The following COA1 variants were observed in gnomAD, a reference collection of about 807,000 sequenced individuals.
The protein encoded by COA1 is cytochrome c oxidase assembly factor 1.
Under a neutral mutation model 16.0 loss-of-function variants are expected in COA1, and 13 were observed. That is an observed-to-expected ratio of 0.81 (90% confidence interval 0.53 to 1.29). COA1 has a LOEUF of 1.29. Ranked by LOEUF, COA1 falls within the 50% of genes most tolerant of loss-of-function variation. COA1 has a pLI of 0.00. For missense variants in COA1, 179 were observed against 177.0 expected (o/e 1.01, Z -0.06); for synonymous variants, 65 against 65.7 (o/e 0.99, Z 0.05).
At chr7:43,613,014 A>G (rs911387410) in intron 6 of COA1, among the ~76,000 whole-genome samples, 6 of 152,244 alleles carry the variant, frequency 3.9e-5, no homozygotes, top group Admixed American at 1.3e-4. Flanking sequence ...AACAGTCTCA[A>G]TAATTTGGTG....
intron 1 of COA1, among the ~76,000 whole-genome samples, chr7:43,697,039 G>C (rs745498148): frequency 2.0e-5 from 3 of 151,430 alleles, no homozygotes; most frequent in Non-Finnish European, 2.9e-5. Context: ...CAGGAGAATC[G>C]CTTGAACCCA....
At chr7:43,652,700 T>A (rs760623075) in intron 1 of COA1, among the ~76,000 whole-genome samples, 1 of 150,142 alleles carries the variant, frequency 6.7e-6, no homozygotes, top group African/African-American at 2.4e-5. Context: ...CCCCAAGTTA[T>A]AATTTAAGGG....
chr7:43,624,032 T>C (rs2084216353), intron 6 of COA1: 1 of 573,944 alleles, frequency 1.7e-6, no homozygotes, highest in African/African-American at 1.9e-5. Context: ...CACAAAAATG[T>C]TGACATAAAT....
At chr7:43,694,856 C>T (rs1227327462) in intron 1 of COA1, among the ~76,000 whole-genome samples, 2 of 152,194 alleles carry the variant, frequency 1.3e-5, no homozygotes. Context: ...GCTGAGCAGG[C>T]ACCTGGAACT....
chr7:43,617,532 A>G (rs1311883321), intron 6 of COA1, among the ~76,000 whole-genome samples: 1 of 152,042 alleles, frequency 6.6e-6, no homozygotes, highest in Non-Finnish European at 1.5e-5. Context: ...GTTCTCTCCT[A>G]TTCTGAGGGA....
chr7:43,709,934 G>A lies in COA1; in HGVS notation c.-39+19495C>T, dbSNP rs1055850777. ...GAACCTAGAAATGTCTCTGTGCAAA[G>A]TGCACACTTTTTCACTATTAACATC... On this transcript the variant is annotated intron_variant, in intron 1 of 5. Coordinates refer to ENST00000223336, the MANE Select transcript of COA1 (RefSeq NM_018224.4). 3.3e-5 allele frequency among the ~76,000 whole-genome samples: 5 copies of A among 152,202 alleles called. No individual in the cohort carries two copies. In the South Asian group the frequency reaches 8.3e-4, roughly 25 times the overall value.
At chr7:43,619,453 G>A (rs1006985890) in intron 6 of COA1, 23 of 1,089,260 alleles carry the variant, frequency 2.1e-5, no homozygotes, top group Admixed American at 2.3e-5. Context: ...GCAATAAATT[G>A]TAAAAATATT....
At chr7:43,664,481 A>C (rs1418965383) in intron 1 of COA1, among the ~76,000 whole-genome samples, 1 of 152,224 alleles carries the variant, frequency 6.6e-6, no homozygotes, top group South Asian at 2.1e-4. Flanking sequence ...GAAATATAGA[A>C]TATAAATAAC....
In COA1 at chr7:43,639,448, C is replaced by T; in HGVS notation, c.*134G>A. On this transcript the variant is annotated 3_prime_UTR_variant, in exon 6 of 6. Transcript: ENST00000223336. ...CAAAATTACCATGTGCTGGCACATA[C>T]CATCATCCCACTGGTGGCTGGAAAA... 1.5e-6 allele frequency: 1 copy of T among 676,794 alleles called. No homozygotes were observed. The highest frequency in any genetic ancestry group is 2.7e-6 in the Non-Finnish European group (1 of 374,944). The allele number at this position is 676,794 out of a possible 1,614,324, so 41.9% of individuals were successfully genotyped here.
intron 1 of COA1, among the ~76,000 whole-genome samples, chr7:43,677,372 G>A (rs1202516446): frequency 6.6e-6 from 1 of 152,188 alleles, no homozygotes; most frequent in Non-Finnish European, 1.5e-5. Context: ...TGTGGTGTAT[G>A]AACTTATTTA....
chr7:43,636,275 G>A (rs946578819), downstream of COA1, among the ~76,000 whole-genome samples: 4 of 152,182 alleles, frequency 2.6e-5, no homozygotes, highest in African/African-American at 4.8e-5. Context: ...CTAAGGAGGT[G>A]AGAATCTTCT....
chr7:43,691,366 AGGGAGGG>A (rs1563383914), intron 1 of COA1, among the ~76,000 whole-genome samples: 8,588 of 66,168 alleles, frequency 0.13, 1,047 homozygotes, highest in Non-Finnish European at 0.17. Context: ...GGAGGGAGGG[AGGGAGGG>A]AGGGAGGAAG....
intron 1 of COA1, among the ~76,000 whole-genome samples, chr7:43,722,248 G>C (rs780521932): frequency 2.0e-5 from 3 of 151,966 alleles, no homozygotes; most frequent in Non-Finnish European, 4.4e-5. Context: ...GCACCACCAT[G>C]CCCAGCTAGT....
chr7:43,714,369 T>C (rs571538624), intron 1 of COA1, among the ~76,000 whole-genome samples: 1 of 152,310 alleles, frequency 6.6e-6, no homozygotes, highest in Admixed American at 6.5e-5. Flanking sequence ...GGCTCATACC[T>C]GTAATCCCAG....
chr7:43,663,687 A>AAAAAAAC (rs1554519874), intron 1 of COA1, among the ~76,000 whole-genome samples: 1 of 129,264 alleles, frequency 7.7e-6, no homozygotes, highest in Admixed American at 8.1e-5. Flanking sequence ...AAAAAAAAAA[A>AAAAAAAC]ACACACACAC....
At chr7:43,697,346 C>T (rs182586063) in intron 1 of COA1, among the ~76,000 whole-genome samples, 2 of 152,070 alleles carry the variant, frequency 1.3e-5, no homozygotes, top group Admixed American at 1.3e-4. Flanking sequence ...GGCTGGAGTG[C>T]AGTGGCATGA....
intron 1 of COA1, among the ~76,000 whole-genome samples, chr7:43,704,215 G>C (rs1266344160): frequency 6.6e-6 from 1 of 152,186 alleles, no homozygotes; most frequent in African/African-American, 2.4e-5. Context: ...TATGTGGCCT[G>C]CACCTTCTAT....
At chr7:43,716,900 G>C (rs1393426227) in intron 1 of COA1, among the ~76,000 whole-genome samples, 1 of 152,190 alleles carries the variant, frequency 6.6e-6, no homozygotes, top group Admixed American at 6.5e-5. Flanking sequence ...GCAGAGCTTG[G>C]GTTGTGGCTT....
At chr7:43,626,654 G>A (rs1473473406) in intron 6 of COA1, 1 of 152,008 alleles carries the variant, frequency 6.6e-6, no homozygotes, top group African/African-American at 2.4e-5. Context: ...ATAGGGAGGA[G>A]GTGACCAGGA....
Sources: gnomAD v4.1 joint callset for allele counts (sites outside exome capture counted in the v4.1 genomes callset) on GRCh38, gnomAD v4.1.1 for gene constraint, MANE v1.5 for transcripts, NCBI Gene and HGNC (gene_info 2026-07-23, HGNC 2026-07-21) for gene names.